GNAL: variants seen among roughly 807,000 people sequenced by gnomAD.
GNAL encodes the protein G protein subunit alpha L, also known as guanine nucleotide-binding protein G(olf) subunit alpha.
GNAL carries 18 observed loss-of-function variants against 55.1 expected under a neutral mutation model. That is an observed-to-expected ratio of 0.33 (90% CI 0.23 to 0.48). The LOEUF is 0.48. Ranked by LOEUF, GNAL falls within the 20% of genes least tolerant of loss-of-function variation. GNAL has a pLI of 0.99. For missense variants in GNAL, 412 were observed against 614.1 expected (o/e 0.67, Z 3.48); for synonymous variants, 253 against 237.0 (o/e 1.07, Z -0.62).
intron 4 of GNAL, among the ~76,000 whole-genome samples, chr18:11,771,070 T>C (rs2033617167): frequency 6.6e-6 from 1 of 151,772 alleles, no homozygotes; most frequent in Admixed American, 6.6e-5. Flanking sequence ...TACAAAAAAT[T>C]AGCCAGGCGT....
At chr18:11,799,461 G>A (rs754678190) in intron 4 of GNAL, among the ~76,000 whole-genome samples, 1 of 151,994 alleles carries the variant, frequency 6.6e-6, no homozygotes, top group Non-Finnish European at 1.5e-5. Context: ...GGTATAATAG[G>A]GTCACTGTCC....
At chr18:11,853,500 G>A (rs1435139095) in intron 5 of GNAL, 1 of 167,028 alleles carries the variant, frequency 6.0e-6, no homozygotes, top group African/African-American at 2.4e-5. Context: ...TTCACTGGAA[G>A]ATTTTTCCAT....
intron 5 of GNAL, among the ~76,000 whole-genome samples, chr18:11,838,966 G>A (rs113241468): frequency 6.6e-5 from 10 of 152,118 alleles, no homozygotes; most frequent in Admixed American, 4.6e-4. Context: ...CATGCAGTGC[G>A]TGACACAGTA....
chr18:11,691,230 ATG>A (rs2031237907), intron 1 of GNAL, among the ~76,000 whole-genome samples: 1 of 151,438 alleles, frequency 6.6e-6, no homozygotes, highest in Admixed American at 6.6e-5. Context: ...GCATTTTTTC[ATG>A]TGTGTTTTGG....
chr18:11,717,997 T>C (rs79858852), intron 1 of GNAL, among the ~76,000 whole-genome samples: 2,564 of 152,256 alleles, frequency 0.017, 55 homozygotes, highest in African/African-American at 0.052. Flanking sequence ...CTACTAGAAA[T>C]AGGCATATGG....
intron 4 of GNAL, among the ~76,000 whole-genome samples, chr18:11,809,223 C>A (rs113462096): frequency 0.065 from 9,881 of 151,812 alleles, 478 homozygotes; most frequent in African/African-American, 0.13. Flanking sequence ...GTGCCACTGC[C>A]CTCCAGCCTG....
intron 4 of GNAL, 72 bp downstream of exon 4, chr18:11,754,017 A>G: frequency 9.0e-7 from 1 of 1,111,174 alleles, no homozygotes; most frequent in Non-Finnish European, 1.4e-6. Context: ...TCTTATTGAG[A>G]ATCAATATTG....
chr18:11,822,498 G>A (rs934302067), intron 4 of GNAL, among the ~76,000 whole-genome samples: 3 of 152,180 alleles, frequency 2.0e-5, no homozygotes, highest in Non-Finnish European at 4.4e-5. Context: ...CAGCTACTTG[G>A]GAGGCTGAGG....
chr18:11,801,530 T>C (rs189777761), intron 4 of GNAL, among the ~76,000 whole-genome samples: 50 of 151,964 alleles, frequency 3.3e-4, no homozygotes, highest in African/African-American at 1.2e-3. Flanking sequence ...TAAGGTCCCG[T>C]TGGAGGATTT....
chr18:11,781,964 C>A, intron 4 of GNAL, among the ~76,000 whole-genome samples: 1 of 152,168 alleles, frequency 6.6e-6, no homozygotes, highest in South Asian at 2.1e-4. Flanking sequence ...ACCCAAATGG[C>A]CACTAACAAG....
chr18:11,870,207 G>A (rs971137896), intron 9 of GNAL, among the ~76,000 whole-genome samples: 20 of 152,198 alleles, frequency 1.3e-4, no homozygotes, highest in African/African-American at 4.8e-4. Flanking sequence ...GGTTTTGTTT[G>A]GTTTTTAAAT....
At chr18:11,697,441 C>T (rs1217957242) in intron 1 of GNAL, among the ~76,000 whole-genome samples, 1 of 152,004 alleles carries the variant, frequency 6.6e-6, no homozygotes, top group East Asian at 1.9e-4. Context: ...GCCTGTAATC[C>T]CAGCTTCTCA....
chr18:11,833,216 G>C (rs1206903859), intron 5 of GNAL, among the ~76,000 whole-genome samples: 2 of 151,994 alleles, frequency 1.3e-5, no homozygotes, highest in African/African-American at 4.8e-5. Flanking sequence ...ATTTTTAGTA[G>C]AGATGAGGTT....
intron 1 of GNAL, among the ~76,000 whole-genome samples, chr18:11,701,083 A>C (rs1305130835): frequency 6.6e-6 from 1 of 152,224 alleles, no homozygotes; most frequent in Non-Finnish European, 1.5e-5. Flanking sequence ...GTTGTTGAAG[A>C]GAAAGGACAA....
At chr18:11,698,609 G>A (rs530883417) in intron 1 of GNAL, among the ~76,000 whole-genome samples, 4 of 152,090 alleles carry the variant, frequency 2.6e-5, no homozygotes, top group African/African-American at 9.7e-5. Flanking sequence ...AAGCAGTGAC[G>A]GTGGCTGCTC....
chr18:11,762,856 G>A (rs1188716666), intron 4 of GNAL, among the ~76,000 whole-genome samples: 2 of 152,166 alleles, frequency 1.3e-5, no homozygotes, highest in Admixed American at 1.3e-4. Context: ...TTGGACAAAG[G>A]GCATTTCCTG....
intron 4 of GNAL, among the ~76,000 whole-genome samples, chr18:11,794,954 T>G (rs1447929886): frequency 1.3e-5 from 2 of 152,114 alleles, no homozygotes; most frequent in Non-Finnish European, 2.9e-5. Context: ...GCGATTCTCC[T>G]GCCTCAGCCT....
chr18:11,829,807 C>T (rs891857596), intron 5 of GNAL, among the ~76,000 whole-genome samples: 2 of 152,086 alleles, frequency 1.3e-5, no homozygotes, highest in East Asian at 3.9e-4. Context: ...GTCAGGAGTT[C>T]GAGACCAACC....
At chr18:11,739,846 CT>C (rs113354400) in intron 1 of GNAL, among the ~76,000 whole-genome samples, 1,777 of 142,068 alleles carry the variant, frequency 0.013, 16 homozygotes, top group African/African-American at 0.031. Context: ...TGTGTGGTTA[CT>C]TTTTTTTTTT....
Sources: allele counts gnomAD v4.1 joint callset (sites outside exome capture counted in the v4.1 genomes callset), GRCh38; gene constraint gnomAD v4.1.1; transcripts MANE v1.5; gene names NCBI Gene and HGNC (gene_info 2026-07-23, HGNC 2026-07-21).